Variants in CTNNA2 observed in about 807,000 individuals in gnomAD.
CTNNA2 encodes catenin alpha 2.
A neutral mutation model predicts 101.0 loss-of-function variants in CTNNA2; 42 were observed. The ratio of observed to expected loss-of-function variants is 0.42; its 90% CI spans 0.32 to 0.54. The LOEUF (loss-of-function observed/expected upper bound fraction) is 0.54, where lower values mean the gene tolerates loss of function less well. CTNNA2 is among the 20% of genes least tolerant of loss of function. The probability of loss-of-function intolerance (pLI) is 0.14; values close to 1 mark genes in which losing one functional copy is unlikely to be tolerated. For synonymous variants in CTNNA2, 450 were observed against 456.4 expected, an observed-to-expected ratio of 0.99 and a Z score of 0.18; for missense variants, 871 against 1,223.1, an observed-to-expected ratio of 0.71 and a Z score of 4.29.
At chr2:80,039,854 T>A (rs1695919703) in intron 7 of CTNNA2, among the ~76,000 whole-genome samples, 1 of 152,146 alleles carries the variant, frequency 6.6e-6, no homozygotes, top group African/African-American at 2.4e-5. Context: ...TAGCTAGATG[T>A]GGTCAGAAAA....
At chr2:80,005,097 A>G (rs1693237114) in intron 7 of CTNNA2, among the ~76,000 whole-genome samples, 1 of 152,160 alleles carries the variant, frequency 6.6e-6, no homozygotes. Context: ...GGGAGGCTGG[A>G]ATGGTACTGG....
chr2:79,518,625 C>T (rs1472556245), intron 1 of CTNNA2, among the ~76,000 whole-genome samples: 2 of 152,052 alleles, frequency 1.3e-5, no homozygotes, highest in East Asian at 1.9e-4. Flanking sequence ...TCTGATGTTC[C>T]CATGTTTTAT....
At chr2:80,359,348 A>G (rs1016891587) in intron 7 of CTNNA2, among the ~76,000 whole-genome samples, 11 of 152,196 alleles carry the variant, frequency 7.2e-5, no homozygotes, top group South Asian at 4.1e-4. Flanking sequence ...TTTTGTCTAC[A>G]TTTATGCCGA....
At chr2:79,251,645 C>A (rs1674772036) in intron 2 of CTNNA2, among the ~76,000 whole-genome samples, 1 of 152,098 alleles carries the variant, frequency 6.6e-6, no homozygotes, top group Non-Finnish European at 1.5e-5. Flanking sequence ...TTCAGAGGCC[C>A]ACATGGTAAA....
rs527662473 is a variant in CTNNA2, at chr2:79,726,998, C to G, written c.103-17389C>G. Reference sequence around the variant, plus strand: ...GCATTCACAAACAGCAAATGAAAACCGGAAGTGACTACATGTTGCTTAATT... The same window carrying G: ...GCATTCACAAACAGCAAATGAAAACGGGAAGTGACTACATGTTGCTTAATT... On this transcript the variant is annotated intron_variant, in intron 2 of 18. Coordinates refer to ENST00000402739, the MANE Select transcript of CTNNA2 (RefSeq NM_001282597.3). Among the ~76,000 whole-genome samples the G allele has an allele frequency of 5.3e-5, 8 of 152,306 alleles. No homozygotes were observed. In the East Asian group the frequency reaches 1.3e-3, roughly 26 times the overall value.
chr2:79,394,949 G>A lies in CTNNA2; in HGVS notation c.-135+20936G>A, dbSNP rs548476986. On this transcript the variant is annotated intron_variant, in intron 4 of 21. Transcript: ENST00000466387. Reference sequence around the variant, plus strand: ...GGGAAGATCACTGTGGGCCATGTGTGAAGGCTCTTTGGGTTTGTGCAAACC... The same window carrying A: ...GGGAAGATCACTGTGGGCCATGTGTAAAGGCTCTTTGGGTTTGTGCAAACC... 7.2e-5 allele frequency among the ~76,000 whole-genome samples: 11 copies of A among 152,260 alleles called. No individual in the cohort carries two copies. The South Asian group carries it at 2.3e-3, about 32-fold the overall frequency.
chr2:80,115,976 G>C (rs2148869028), intron 7 of CTNNA2, among the ~76,000 whole-genome samples: 1 of 152,216 alleles, frequency 6.6e-6, no homozygotes, highest in East Asian at 1.9e-4. Context: ...AATGGGGGCT[G>C]TCACATATTA....
At chr2:79,631,506 A>C (rs1270667715) in intron 1 of CTNNA2, among the ~76,000 whole-genome samples, 1 of 152,186 alleles carries the variant, frequency 6.6e-6, no homozygotes, top group Non-Finnish European at 1.5e-5. Flanking sequence ...ACTCATTGTC[A>C]TATGTATATG....
At position 80,593,347 on chromosome 2, in the gene CTNNA2, T is replaced by TTTTGTTTG. The variant is rs1171522008; in HGVS notation, c.2189+3874_2189+3881dup. On this transcript the variant is annotated intron_variant, in intron 15 of 18. Transcript: ENST00000402739. ...ATGTGATTTTTTTTTTCTTTTGTTT[T>TTTTGTTTG]TTTGTTTGTTTGTTTGTTTTGCTGT... 3.3e-5 allele frequency among the ~76,000 whole-genome samples: 5 copies of TTTTGTTTG among 152,170 alleles called. No homozygotes were observed. In the East Asian group the frequency reaches 9.6e-4, roughly 29 times the overall value.
At chr2:80,139,599 A>G (rs1215956466) in intron 7 of CTNNA2, among the ~76,000 whole-genome samples, 2 of 152,154 alleles carry the variant, frequency 1.3e-5, no homozygotes, top group East Asian at 1.9e-4. Flanking sequence ...ACACACATCA[A>G]TACATAATAC....
intron 7 of CTNNA2, among the ~76,000 whole-genome samples, chr2:80,286,237 C>T (rs539559836): frequency 1.3e-5 from 2 of 152,258 alleles, no homozygotes; most frequent in Admixed American, 6.5e-5. Flanking sequence ...AGGAGCCCTC[C>T]GTACCCATTC....
At chr2:79,341,642 G>A (rs1388818492) in intron 3 of CTNNA2, among the ~76,000 whole-genome samples, 1 of 152,194 alleles carries the variant, frequency 6.6e-6, no homozygotes, top group East Asian at 1.9e-4. Context: ...TGGAATAAAT[G>A]TCATACATAC....
At chr2:80,304,986 A>G in intron 7 of CTNNA2, 1 of 840,780 alleles carries the variant, frequency 1.2e-6, no homozygotes, top group Middle Eastern at 6.3e-4. Context: ...AGATATTTCC[A>G]AGTGGGAAAC....
At chr2:80,508,554 AC>A (rs1234009329) in intron 9 of CTNNA2, among the ~76,000 whole-genome samples, 1 of 151,910 alleles carries the variant, frequency 6.6e-6, no homozygotes, top group African/African-American at 2.4e-5. Context: ...CCGTAGCTTT[AC>A]CCTACAACAT....
intron 3 of CTNNA2, among the ~76,000 whole-genome samples, chr2:79,367,009 T>C (rs1358216767): frequency 3.3e-5 from 5 of 152,186 alleles, no homozygotes; most frequent in Non-Finnish European, 2.9e-5. Context: ...TAATCTCCAA[T>C]GTATGTGATG....
rs1022167067 is a variant in CTNNA2 at position 80,634,512 on chromosome 2, C to A, written c.2575-13073C>A. 2.7e-5 allele frequency among the ~76,000 whole-genome samples: 4 copies of A among 145,756 alleles called. No homozygotes were observed. In the Admixed American group the frequency reaches 2.8e-4, roughly 10 times the overall value. On this transcript the variant is annotated intron_variant, in intron 18 of 18. Coordinates refer to ENST00000402739, the MANE Select transcript of CTNNA2 (RefSeq NM_001282597.3). ...GAGAGCAAAATCAGAAGTATTGGGCCCCATGTGAAGACCATTTTGATAGAT... is the reference window on the plus strand; with the variant it reads ...GAGAGCAAAATCAGAAGTATTGGGCACCATGTGAAGACCATTTTGATAGAT...
chr2:79,927,161 A>T (rs993355403), intron 7 of CTNNA2, among the ~76,000 whole-genome samples: 67 of 152,148 alleles, frequency 4.4e-4, no homozygotes, highest in African/African-American at 1.5e-3. Context: ...TTGCAAAGGA[A>T]AGTTGAGATT....
intron 7 of CTNNA2, among the ~76,000 whole-genome samples, chr2:80,090,949 A>G (rs900941150): frequency 1.3e-5 from 2 of 152,114 alleles, no homozygotes; most frequent in Middle Eastern, 3.2e-3. Context: ...AAGAATTATC[A>G]GCAGAGAATG....
chr2:79,996,368 C>A (rs542932642), intron 7 of CTNNA2, among the ~76,000 whole-genome samples: 1 of 152,072 alleles, frequency 6.6e-6, no homozygotes, highest in African/African-American at 2.4e-5. Context: ...AATTGCCTTC[C>A]GCACTGACTG....
Sources: allele counts gnomAD v4.1 joint callset (sites outside exome capture counted in the v4.1 genomes callset), GRCh38; gene constraint gnomAD v4.1.1; transcripts MANE v1.5; gene names NCBI Gene and HGNC (gene_info 2026-07-23, HGNC 2026-07-21).